Variants in EIF4ENIF1 observed in about 807,000 individuals in gnomAD.
The protein encoded by EIF4ENIF1 is eukaryotic translation initiation factor 4E nuclear import factor 1, also known as eukaryotic translation initiation factor 4E transporter.
Under a neutral mutation model 110.5 loss-of-function variants are expected in EIF4ENIF1, and 23 were observed. The ratio of observed to expected loss-of-function variants is 0.21; its 90% CI spans 0.15 to 0.29. The LOEUF (loss-of-function observed/expected upper bound fraction) is 0.29. EIF4ENIF1 is among the 10% of genes least tolerant of loss of function. The pLI is 1.00. For missense variants in EIF4ENIF1, 1,031 were observed against 1,221.1 expected, an observed-to-expected ratio of 0.84 and a Z score of 2.32; for synonymous variants, 440 against 437.0, an observed-to-expected ratio of 1.01 and a Z score of -0.09.
chr22:31,491,758 G>C (rs766663160), upstream of EIF4ENIF1, among the ~76,000 whole-genome samples: 1 of 152,012 alleles, frequency 6.6e-6, no homozygotes, highest in African/African-American at 2.4e-5. Context: ...GCTCAGGCTG[G>C]TCTCAAATTC....
chr22:31,458,073 C>T (rs1185483818), intron 7 of EIF4ENIF1, among the ~76,000 whole-genome samples: 4 of 151,834 alleles, frequency 2.6e-5, no homozygotes, highest in Non-Finnish European at 5.9e-5. Flanking sequence ...ACTAAAAATA[C>T]AAAAATTAGC....
At chr22:31,489,959 C>G (rs1266093054), upstream of EIF4ENIF1, 1 of 152,234 alleles carries the variant, frequency 6.6e-6, no homozygotes, top group African/African-American at 2.4e-5. Context: ...GTGGCTGCAG[C>G]GGTGCCGGGC....
chr22:31,444,908 C>T (rs937418696), intron 14 of EIF4ENIF1, among the ~76,000 whole-genome samples: 3 of 152,146 alleles, frequency 2.0e-5, no homozygotes, highest in African/African-American at 7.2e-5. Context: ...TGTAAGAGCT[C>T]TCAGTCTAGC....
intron 2 of EIF4ENIF1, among the ~76,000 whole-genome samples, chr22:31,484,972 G>A (rs909037787): frequency 6.6e-6 from 1 of 152,178 alleles, no homozygotes; most frequent in Admixed American, 6.5e-5. Context: ...AGGATGGTTT[G>A]AATATTATTC....
At chr22:31,442,595 C>T (rs1464843662) in intron 16 of EIF4ENIF1, among the ~76,000 whole-genome samples, 1 of 152,206 alleles carries the variant, frequency 6.6e-6, no homozygotes, top group African/African-American at 2.4e-5. Context: ...ATGTTGGACA[C>T]TTAAGTCTCC....
At chr22:31,449,290 A>C in intron 12 of EIF4ENIF1, 58 bp downstream of exon 12, 1 of 1,559,682 alleles carries the variant, frequency 6.4e-7, no homozygotes, top group Non-Finnish European at 8.7e-7. Context: ...AATTACAGGC[A>C]TGAGCTACCG....
At chr22:31,469,656 G>A (rs894654108) in intron 3 of EIF4ENIF1, among the ~76,000 whole-genome samples, 1 of 152,104 alleles carries the variant, frequency 6.6e-6, no homozygotes, top group Non-Finnish European at 1.5e-5. Flanking sequence ...CAATGTCTCT[G>A]CTTCAGAAAT....
At chr22:31,466,454 T>G (rs892317486) in intron 4 of EIF4ENIF1, among the ~76,000 whole-genome samples, 1 of 150,018 alleles carries the variant, frequency 6.7e-6, no homozygotes, top group Admixed American at 6.6e-5. Context: ...GTGGAACGTG[T>G]ATGTGTAATC....
chr22:31,440,665 A>G, intron 18 of EIF4ENIF1, 39 bp downstream of exon 18: 1 of 1,598,084 alleles, frequency 6.3e-7, no homozygotes, highest in Non-Finnish European at 8.5e-7. Flanking sequence ...AGACTCCCTA[A>G]GTCCGTCCCA....
At chr22:31,479,048 C>A (rs796232656) in intron 2 of EIF4ENIF1, among the ~76,000 whole-genome samples, 53 of 151,474 alleles carry the variant, frequency 3.5e-4, no homozygotes, top group African/African-American at 1.2e-3. Flanking sequence ...TGACTCTTGT[C>A]CCCACCCCTA....
At chr22:31,455,559 T>A (rs1019620039) in intron 8 of EIF4ENIF1, among the ~76,000 whole-genome samples, 1 of 152,024 alleles carries the variant, frequency 6.6e-6, no homozygotes, top group African/African-American at 2.4e-5. Flanking sequence ...CCACCACGCC[T>A]GGCTGATTTT....
In EIF4ENIF1 at chr22:31,454,226, T is replaced by G; in HGVS notation, c.1430A>C (p.Lys477Thr). 6.2e-7 allele frequency: 1 copy of G among 1,614,210 alleles called. No individual in the cohort carries two copies. The highest frequency in any genetic ancestry group is 8.5e-7 in the Non-Finnish European group (1 of 1,180,034). Reference sequence around the variant, plus strand: ...GTTGAACGCAGTCATGTCTCCGTCTTTCTTCAGTTGTCGATTGTTGGTTAC... The same window carrying G: ...GTTGAACGCAGTCATGTCTCCGTCTGTCTTCAGTTGTCGATTGTTGGTTAC... ...SAVTNNRQLK[K>T]DGDMTAFNKL... The change falls in exon 10 of 19, where the codon AAA becomes ACA. Residue 477 changes from lysine to threonine, a missense_variant. Lys to Thr is a moderately conservative substitution (Grantham distance 78). Transcript: ENST00000330125.
At chr22:31,448,041 G>A in intron 13 of EIF4ENIF1, 112 bp downstream of exon 13, 1 of 1,194,412 alleles carries the variant, frequency 8.4e-7, no homozygotes, top group Admixed American at 1.8e-5. Context: ...GAGCCACTAT[G>A]CCTGGCCTCA....
intron 4 of EIF4ENIF1, among the ~76,000 whole-genome samples, chr22:31,465,813 C>A (rs748664452): frequency 6.6e-6 from 1 of 152,120 alleles, no homozygotes; most frequent in Non-Finnish European, 1.5e-5. Context: ...TAAATCCATA[C>A]AATGGAATAC....
chr22:31,492,370 T>G (rs1168983337), upstream of EIF4ENIF1, among the ~76,000 whole-genome samples: 1 of 152,190 alleles, frequency 6.6e-6, no homozygotes, highest in East Asian at 1.9e-4. Context: ...TGTGTAGGCA[T>G]GTTTTAAACC....
At chr22:31,454,116 G>A (rs1441426059) in intron 10 of EIF4ENIF1, 28 bp downstream of exon 10, 1 of 1,588,620 alleles carries the variant, frequency 6.3e-7, no homozygotes, top group Non-Finnish European at 8.6e-7. Flanking sequence ...AAGGAGAAAA[G>A]GGTGGGGGGT....
intron 15 of EIF4ENIF1, among the ~76,000 whole-genome samples, chr22:31,444,020 A>G (rs1265463675): frequency 6.6e-6 from 1 of 150,916 alleles, no homozygotes; most frequent in East Asian, 1.9e-4. Context: ...CTGGTCTTGA[A>G]CTCCTGAACT....
chr22:31,488,769 T>C (rs769436683), intron 1 of EIF4ENIF1, 24 bp from the exon 2 acceptor site: 14 of 1,578,852 alleles, frequency 8.9e-6, no homozygotes, highest in African/African-American at 4.1e-5. Flanking sequence ...CGGCACAAAA[T>C]TGTCACCGAG....
At chr22:31,438,139 T>C (rs565136076), downstream of EIF4ENIF1, among the ~76,000 whole-genome samples, 1 of 152,278 alleles carries the variant, frequency 6.6e-6, no homozygotes, top group South Asian at 2.1e-4. Flanking sequence ...CACCTTGACC[T>C]TTACCTCATT....
Sources: gnomAD v4.1 joint callset for allele counts (sites outside exome capture counted in the v4.1 genomes callset) on GRCh38, gnomAD v4.1.1 for gene constraint, MANE v1.5 for transcripts, NCBI Gene and HGNC (gene_info 2026-07-23, HGNC 2026-07-21) for gene names.